The following GET1 variants were observed in gnomAD, a reference collection of about 807,000 sequenced individuals.
GET1 encodes the protein guided entry of tail-anchored proteins factor 1.
Under a neutral mutation model 22.6 loss-of-function variants are expected in GET1, and 20 were observed. The ratio of observed to expected loss-of-function variants is 0.89; its 90% CI spans 0.62 to 1.29. The LOEUF (loss-of-function observed/expected upper bound fraction) is 1.29. Ranked by LOEUF, GET1 falls within the 50% of genes most tolerant of loss-of-function variation. The probability of loss-of-function intolerance (pLI) is 0.00; values close to 1 mark genes in which losing one functional copy is unlikely to be tolerated. For synonymous variants in GET1, 92 were observed against 83.8 expected (o/e 1.10, Z -0.53); for missense variants, 209 against 219.9 (o/e 0.95, Z 0.31).
At chr21:39,412,011 G>C (rs1322522689) in intron 1 of GET1, among the ~76,000 whole-genome samples, 1 of 152,180 alleles carries the variant, frequency 6.6e-6, no homozygotes, top group African/African-American at 2.4e-5. Flanking sequence ...TTGTGATCGG[G>C]ACAGTATTTT....
intron 3 of GET1, chr21:39,392,086 G>C (rs1304674646): frequency 4.2e-6 from 2 of 474,482 alleles, no homozygotes; most frequent in Non-Finnish European, 7.5e-6. Context: ...TTCTCGGAGA[G>C]CTTTCACCAT....
chr21:39,412,430 G>A (rs2040250727), intron 1 of GET1, among the ~76,000 whole-genome samples: 1 of 152,128 alleles, frequency 6.6e-6, no homozygotes, highest in Admixed American at 6.5e-5. Flanking sequence ...ACAAAGAAAG[G>A]GTTTTTATTA....
intron 2 of GET1, chr21:39,391,504 A>G (rs529848556): frequency 2.4e-6 from 1 of 410,780 alleles, no homozygotes; most frequent in Non-Finnish European, 4.4e-6. Context: ...TATACAAAGA[A>G]TCTTTGATTT....
chr21:39,401,743 T>TTG (rs139203877), downstream of GET1, among the ~76,000 whole-genome samples: 14 of 152,260 alleles, frequency 9.2e-5, no homozygotes, highest in South Asian at 2.9e-3. Flanking sequence ...TGTGCTCACT[T>TTG]TGTGTGTGTG....
chr21:39,419,469 G>A (rs2041888599), intron 1 of GET1, among the ~76,000 whole-genome samples: 1 of 146,228 alleles, frequency 6.8e-6, no homozygotes, highest in African/African-American at 2.6e-5. Context: ...AGGCTGCAGT[G>A]AGCCAGGATG....
intron 1 of GET1, among the ~76,000 whole-genome samples, chr21:39,389,492 C>T (rs954179805): frequency 3.3e-5 from 5 of 152,128 alleles, no homozygotes; most frequent in South Asian, 4.1e-4. Flanking sequence ...GACTGGCTTC[C>T]GTTACTCTCA....
At position 39,396,998 on chromosome 21, in the gene GET1, A is replaced by T; in HGVS notation, c.*59A>T. On this transcript the variant is annotated 3_prime_UTR_variant, in exon 5 of 5. Coordinates refer to ENST00000649170, the MANE Select transcript of GET1 (RefSeq NM_004627.6). ...ACGGATTTCCTCTTCCTAGCTTAAAATCTGATTTACACTGTTTTGTTTTTT... is the reference window on the plus strand; with the variant it reads ...ACGGATTTCCTCTTCCTAGCTTAAATTCTGATTTACACTGTTTTGTTTTTT... The T allele has an allele frequency of 5.1e-6, 8 of 1,577,224 alleles. No individual in the cohort carries two copies. The highest frequency in any genetic ancestry group is 7.0e-6 in the Non-Finnish European group (8 of 1,149,222).
intron 1 of GET1, among the ~76,000 whole-genome samples, chr21:39,390,042 GTTTTTT>G (rs553712185): frequency 1.9e-3 from 245 of 130,900 alleles, no homozygotes; most frequent in African/African-American, 6.9e-3. Context: ...TTGAATATGA[GTTTTTT>G]TTTTTTTTTT....
chr21:39,412,502 C>G (rs1460050761), intron 1 of GET1, among the ~76,000 whole-genome samples: 1 of 152,034 alleles, frequency 6.6e-6, no homozygotes, highest in African/African-American at 2.4e-5. Flanking sequence ...GACTCAAGAC[C>G]ATTGAATTTT....
intron 1 of GET1, among the ~76,000 whole-genome samples, chr21:39,419,581 A>T (rs1264727438): frequency 6.6e-6 from 1 of 151,872 alleles, no homozygotes; most frequent in Non-Finnish European, 1.5e-5. Flanking sequence ...TATAGTGCTA[A>T]ATTTCTTATG....
At chr21:39,401,816 C>T (rs776924503), downstream of GET1, among the ~76,000 whole-genome samples, 2 of 152,082 alleles carry the variant, frequency 1.3e-5, no homozygotes, top group African/African-American at 2.4e-5. Context: ...TTATGGTGGT[C>T]TGTGATCAGT....
chr21:39,412,622 G>T (rs1354321498), intron 1 of GET1, among the ~76,000 whole-genome samples: 4 of 151,354 alleles, frequency 2.6e-5, no homozygotes, highest in South Asian at 4.1e-4. Flanking sequence ...ACACACACGG[G>T]GGGTGGGGCG....
intron 1 of GET1, among the ~76,000 whole-genome samples, chr21:39,412,750 G>T (rs1403418095): frequency 1.3e-5 from 2 of 152,194 alleles, no homozygotes; most frequent in Non-Finnish European, 2.9e-5. Context: ...AGAGGCCTTG[G>T]CGTGGTCCAG....
rs146870581 is a variant in GET1, at chr21:39,411,715, T to A, written c.*23+778T>A. The stretch of plus-strand genomic sequence containing the variant: ...ATTTTGAGCAAAAGTAATTAAAACA[T>A]ACCTTTTGGATAGTCCTCTGTGTCA... On this transcript the variant is annotated intron_variant, in intron 1 of 1. Transcript: ENST00000478273. 256 of 1,402,814 alleles carry A rather than the reference T, an allele frequency of 1.8e-4. 1 individual carries two copies. In the African/African-American group the frequency reaches 3.5e-3, roughly 19 times the overall value. 86.9% of individuals were successfully genotyped at this position (1,402,814 alleles called of 1,614,324 possible). A position where few individuals can be genotyped will look rare whatever the true frequency, so the allele number is the denominator to read the frequency against.
intron 1 of GET1, among the ~76,000 whole-genome samples, chr21:39,388,803 C>CGGTGCCG (rs1477779909): frequency 1.3e-5 from 2 of 152,204 alleles, no homozygotes; most frequent in African/African-American, 2.4e-5. Flanking sequence ...TCTCCCATCC[C>CGGTGCCG]GGTGCCGTGG....
At chr21:39,415,360 T>C (rs1237106926) in intron 1 of GET1, among the ~76,000 whole-genome samples, 3 of 152,138 alleles carry the variant, frequency 2.0e-5, no homozygotes, top group Non-Finnish European at 2.9e-5. Flanking sequence ...AACTTTATTA[T>C]ACAAATTAAA....
chr21:39,424,023 T>G (rs538685314), intron 1 of GET1, among the ~76,000 whole-genome samples: 1 of 152,006 alleles, frequency 6.6e-6, no homozygotes, highest in East Asian at 1.9e-4. Context: ...TTATTTTTAT[T>G]TTTTTTTGAG....
intron 1 of GET1, among the ~76,000 whole-genome samples, chr21:39,426,770 C>T (rs1024018249): frequency 6.6e-6 from 1 of 152,168 alleles, no homozygotes; most frequent in Non-Finnish European, 1.5e-5. Context: ...TAGGATCTAA[C>T]CATGATGTTC....
At chr21:39,396,797 A>C in intron 4 of GET1, 69 bp from the exon 5 acceptor site, 1 of 1,393,904 alleles carries the variant, frequency 7.2e-7, no homozygotes, top group Non-Finnish European at 1.0e-6. Flanking sequence ...CTGTGAGTTA[A>C]AGACAGCAGA....
Sources: allele counts gnomAD v4.1 joint callset (sites outside exome capture counted in the v4.1 genomes callset), GRCh38; gene constraint gnomAD v4.1.1; transcripts MANE v1.5; gene names NCBI Gene and HGNC (gene_info 2026-07-23, HGNC 2026-07-21).